The following PKNOX2 variants were observed in gnomAD, a reference collection of about 807,000 sequenced individuals.
The protein encoded by PKNOX2 is homeobox protein PKNOX2.
In PKNOX2, 14 loss-of-function variants were observed where a neutral mutation model predicts 53.1. The observed-to-expected ratio is 0.26, with a 90% CI of 0.17 to 0.41. PKNOX2 has a LOEUF of 0.41. Ranked by LOEUF, PKNOX2 falls within the 10% of genes least tolerant of loss-of-function variation. The pLI is 1.00. For synonymous variants in PKNOX2, 257 were observed against 242.8 expected (o/e 1.06, Z -0.54); for missense variants, 496 against 602.8 (o/e 0.82, Z 1.85).
chr11:125,366,918 G>A (rs1209939338), intron 4 of PKNOX2, among the ~76,000 whole-genome samples: 1 of 152,184 alleles, frequency 6.6e-6, no homozygotes, highest in African/African-American at 2.4e-5. Flanking sequence ...TGGTGATGAA[G>A]GAGTGACCAA....
At chr11:125,310,896 C>A (rs554680208) in intron 2 of PKNOX2, among the ~76,000 whole-genome samples, 17 of 151,980 alleles carry the variant, frequency 1.1e-4, no homozygotes, top group Admixed American at 4.6e-4. Context: ...CGTTTGCTTT[C>A]CTTCTGTCGT....
chr11:125,410,943 C>T, intron 9 of PKNOX2, 67 bp downstream of exon 9: 2 of 1,322,972 alleles, frequency 1.5e-6, no homozygotes, highest in Admixed American at 1.8e-5. Flanking sequence ...CGCTTCTTAT[C>T]TGCCAGGCAC....
chr11:125,372,953 G>T (rs191229622), intron 5 of PKNOX2, among the ~76,000 whole-genome samples: 13 of 152,360 alleles, frequency 8.5e-5, no homozygotes, highest in Non-Finnish European at 1.8e-4. Flanking sequence ...TCTGTCTCAT[G>T]CAGACTGGAT....
chr11:125,431,575 A>T lies in PKNOX2; in HGVS notation c.*183A>T. On this transcript the variant is annotated 3_prime_UTR_variant, in exon 13 of 13. Transcript: ENST00000298282. ...GTTCCTTCCCAACCACCGAGCTTCA[A>T]TGAGGACCCCAGCCCCACTTCCCTG... The T allele has an allele frequency of 1.5e-6, 1 of 688,126 alleles. No homozygotes were observed. The allele number at this position is 688,126 out of a possible 1,614,324, so 42.6% of individuals were successfully genotyped here.
intron 3 of PKNOX2, among the ~76,000 whole-genome samples, chr11:125,332,229 C>T (rs1207782264): frequency 6.6e-6 from 1 of 151,582 alleles, no homozygotes; most frequent in Non-Finnish European, 1.5e-5. Context: ...AGATGATGAT[C>T]ACATTTGTAC....
intron 2 of PKNOX2, among the ~76,000 whole-genome samples, chr11:125,259,901 G>A (rs1362128709): frequency 6.6e-6 from 1 of 150,732 alleles, no homozygotes; most frequent in Non-Finnish European, 1.5e-5. Flanking sequence ...TAAAGAGACA[G>A]GGCCTTGCTC....
rs575564362 is a variant in PKNOX2, at chr11:125,431,162, G to A, written c.1193-4G>A. 1.6e-5 allele frequency: 26 copies of A among 1,612,786 alleles called. No homozygotes were observed. Among genetic ancestry groups the A allele is most frequent in the African/African-American group, 8.0e-5 (6 of 75,024 alleles). On this transcript the variant is annotated splice_polypyrimidine_tract_variant and splice_region_variant and intron_variant, in intron 12 of 12. Transcript: ENST00000298282. ...CTCGTCCTGACCCTTGCTTTCTCTC[G>A]CAGGTTCCATCAACTTGGACAACCT... is the stretch of plus-strand genomic sequence containing the variant.
intron 2 of PKNOX2, among the ~76,000 whole-genome samples, chr11:125,263,417 A>ACGG (rs1473610660): frequency 6.6e-6 from 1 of 152,084 alleles, no homozygotes; most frequent in Non-Finnish European, 1.5e-5. Context: ...ACTGCTGGCG[A>ACGG]CGGCTCCAGC....
At chr11:125,387,436 C>T (rs1953713717) in intron 6 of PKNOX2, among the ~76,000 whole-genome samples, 1 of 152,200 alleles carries the variant, frequency 6.6e-6, no homozygotes, top group Non-Finnish European at 1.5e-5. Context: ...CCACCACCAC[C>T]TGCCAGGTGA....
At chr11:125,228,816 C>T (rs887385717) in intron 1 of PKNOX2, among the ~76,000 whole-genome samples, 3 of 152,160 alleles carry the variant, frequency 2.0e-5, no homozygotes, top group Non-Finnish European at 4.4e-5. Context: ...ATGGCCATTA[C>T]CCTTTTTTGC....
chr11:125,390,054 T>C (rs571733184), intron 6 of PKNOX2, among the ~76,000 whole-genome samples: 1 of 152,194 alleles, frequency 6.6e-6, no homozygotes, highest in South Asian at 2.1e-4. Flanking sequence ...TGGCCTTCAG[T>C]CCGGGCTCTC....
chr11:125,302,050 A>T (rs1265188317), intron 2 of PKNOX2, among the ~76,000 whole-genome samples: 1 of 152,206 alleles, frequency 6.6e-6, no homozygotes, highest in Non-Finnish European at 1.5e-5. Context: ...TGGCCATGGC[A>T]TCTCAGACGC....
chr11:125,274,332 G>A (rs1409037083), intron 2 of PKNOX2, among the ~76,000 whole-genome samples: 1 of 152,162 alleles, frequency 6.6e-6, no homozygotes, highest in African/African-American at 2.4e-5. Flanking sequence ...TGATGAGCCT[G>A]AAGGGTAAGG....
chr11:125,419,091 G>A (rs893998920), intron 10 of PKNOX2, among the ~76,000 whole-genome samples: 2 of 151,998 alleles, frequency 1.3e-5, no homozygotes, highest in Non-Finnish European at 2.9e-5. Flanking sequence ...GAATGGCAAT[G>A]TTTCTTAGAA....
chr11:125,389,212 C>CAA (rs745708272), intron 6 of PKNOX2, among the ~76,000 whole-genome samples: 1 of 151,804 alleles, frequency 6.6e-6, no homozygotes, highest in Non-Finnish European at 1.5e-5. Context: ...AACAAACAAA[C>CAA]AAACAAAAAA....
intron 1 of PKNOX2, 57 bp downstream of exon 1, chr11:125,164,833 C>G: frequency 5.6e-6 from 1 of 178,318 alleles, no homozygotes; most frequent in Non-Finnish European, 1.2e-5. Context: ...GGCGGCGGCG[C>G]GGCGGCGGCT....
At chr11:125,205,172 T>C (rs1204693347) in intron 1 of PKNOX2, among the ~76,000 whole-genome samples, 2 of 152,276 alleles carry the variant, frequency 1.3e-5, no homozygotes, top group African/African-American at 4.8e-5. Flanking sequence ...TTTTGAGGTC[T>C]GAGTTCTTGG....
At chr11:125,223,500 G>C (rs1029870880) in intron 1 of PKNOX2, among the ~76,000 whole-genome samples, 2 of 152,202 alleles carry the variant, frequency 1.3e-5, no homozygotes, top group African/African-American at 4.8e-5. Context: ...AAAGTCTTGG[G>C]ATTACAGGCA....
At chr11:125,297,054 A>G (rs1489358423) in intron 2 of PKNOX2, among the ~76,000 whole-genome samples, 2 of 152,238 alleles carry the variant, frequency 1.3e-5, no homozygotes, top group Non-Finnish European at 2.9e-5. Context: ...ATGAATAAAT[A>G]TGAGTTAATT....
Sources: allele counts gnomAD v4.1 joint callset (sites outside exome capture counted in the v4.1 genomes callset), GRCh38; gene constraint gnomAD v4.1.1; transcripts MANE v1.5; gene names NCBI Gene and HGNC (gene_info 2026-07-23, HGNC 2026-07-21).